Variants in MYOM1 observed in about 807,000 individuals in gnomAD.
MYOM1 encodes the protein myomesin-1.
Under a neutral mutation model 205.3 loss-of-function variants are expected in MYOM1, and 164 were observed. That is an observed-to-expected ratio of 0.80 (90% confidence interval 0.70 to 0.91). MYOM1 has a LOEUF of 0.91. MYOM1 is among the 40% of genes least tolerant of loss of function. The pLI, the probability that MYOM1 is intolerant of heterozygous loss-of-function variation, is 0.00. For missense variants in MYOM1, 2,011 were observed against 2,127.3 expected, an observed-to-expected ratio of 0.95 and a Z score of 1.08; for synonymous variants, 772 against 789.4, an observed-to-expected ratio of 0.98 and a Z score of 0.37.
the MYOM1 span, chr18:3,246,385 A>G: frequency 6.6e-6 from 1 of 152,224 alleles, no homozygotes; most frequent in Non-Finnish European, 1.5e-5. Flanking sequence ...ACCTGCCCTT[A>G]AAGACTCCGA....
the MYOM1 span, among the ~76,000 whole-genome samples, chr18:3,227,109 T>C: frequency 6.6e-6 from 1 of 152,244 alleles, no homozygotes; most frequent in Non-Finnish European, 1.5e-5. Flanking sequence ...TACCTGTTTT[T>C]CTGTCTATTC....
the MYOM1 span, among the ~76,000 whole-genome samples, chr18:3,241,348 C>T: frequency 6.6e-6 from 1 of 152,140 alleles, no homozygotes; most frequent in East Asian, 1.9e-4. Context: ...GACTTGGTGC[C>T]CTGCATCCCA....
rs571491458 is a variant in MYOM1, at chr18:3,179,781, T to C, written c.930-3647A>G. Among the ~76,000 whole-genome samples, 3 of 152,266 alleles carry C rather than the reference T, an allele frequency of 2.0e-5. No individual in the cohort carries two copies. The highest frequency in any genetic ancestry group is 1.3e-4 in the Admixed American group (2 of 15,302). On this transcript the variant is annotated intron_variant, in intron 5 of 37. Transcript: ENST00000356443. The surrounding 1 kb of genome is among the most constrained non-coding windows in gnomAD (Gnocchi z 4.4). ...GGGTAGAACATGTTAATTGGCATGC[T>C]CTTCTTCTATAATTGGTTTAGGTAA...
At chr18:3,156,813 A>G (rs577658705) in intron 10 of MYOM1, among the ~76,000 whole-genome samples, 4 of 151,896 alleles carry the variant, frequency 2.6e-5, no homozygotes, top group Non-Finnish European at 2.9e-5. Context: ...GATTCACCGT[A>G]TTAGCCAGGA....
Position 3,142,061 on chromosome 18 carries a change from C to T in MYOM1, c.1903G>A (p.Gly635Ser). The T allele has an allele frequency of 8.7e-6, 14 of 1,612,822 alleles. No individual in the cohort carries two copies. Among genetic ancestry groups the T allele is most frequent in the Non-Finnish European group, 1.2e-5 (14 of 1,179,298 alleles). The change falls in exon 14 of 38, where the codon GGT (glycine) becomes AGT (serine). Residue 635 changes from glycine to serine, a missense_variant and splice_region_variant. Coordinates refer to ENST00000356443, the MANE Select transcript of MYOM1 (RefSeq NM_003803.4). ...TCTGTCGGGGGGCCAGGCACAATAC[C>T]CTCTGAAAAACAACAAGGAAAAATG... Reference protein sequence around the residue: ...IIVTEEEPSEGIVPGPPTDLS... With the variant: ...IIVTEEEPSESIVPGPPTDLS...
chr18:3,087,186 C>T (rs1484574448), intron 29 of MYOM1, among the ~76,000 whole-genome samples: 1 of 152,174 alleles, frequency 6.6e-6, no homozygotes, highest in African/African-American at 2.4e-5. Flanking sequence ...TAGAAATGCA[C>T]TCCGCAGCTT....
At chr18:3,239,798 G>A in the MYOM1 span, among the ~76,000 whole-genome samples, 631 of 150,512 alleles carry the variant, frequency 4.2e-3, 16 homozygotes, top group African/African-American at 0.015. Flanking sequence ...TTGAGAGAGC[G>A]GAGCATGAAA....
At chr18:3,208,504 C>T (rs149830560) in intron 2 of MYOM1, among the ~76,000 whole-genome samples, 1 of 152,102 alleles carries the variant, frequency 6.6e-6, no homozygotes, top group East Asian at 1.9e-4. Context: ...GCCTGGGCAA[C>T]AGGGCAAGAT....
chr18:3,137,161 G>A (rs1186168593), intron 14 of MYOM1, among the ~76,000 whole-genome samples: 2 of 151,994 alleles, frequency 1.3e-5, no homozygotes. Context: ...GTGTTAGCCA[G>A]GATGGTCTCG....
In MYOM1 at chr18:3,215,145, TCACGGTGCTGCG is replaced by T. The variant is rs1473878482; in HGVS notation, c.67_78del (p.Arg23_Val26del). 1.2e-6 allele frequency: 2 copies of T among 1,613,734 alleles called. No homozygotes were observed. Among genetic ancestry groups the T allele is most frequent in the African/African-American group, 2.7e-5 (2 of 74,936 alleles). ...CGTTTCTTCTCCCGCTGGTAGTGAC[TCACGGTGCTGCG>T]CACGTCCTTGTTGCGGTAGCTGAGA... is the stretch of plus-strand genomic sequence containing the variant. On this transcript the variant is annotated inframe_deletion, in exon 2 of 38. Transcript: ENST00000356443.
chr18:3,212,084 A>C (rs1203974770), intron 2 of MYOM1, among the ~76,000 whole-genome samples: 1 of 152,246 alleles, frequency 6.6e-6, no homozygotes, highest in Non-Finnish European at 1.5e-5. Context: ...GTCTAAAAAA[A>C]GAAAGACTAA....
At chr18:3,224,177 C>A (rs540654429), upstream of MYOM1, among the ~76,000 whole-genome samples, 1 of 152,010 alleles carries the variant, frequency 6.6e-6, no homozygotes, top group African/African-American at 2.4e-5. Flanking sequence ...TACAGGCGCC[C>A]GCCTTGTCAC....
At chr18:3,237,370 G>A in the MYOM1 span, among the ~76,000 whole-genome samples, 1 of 152,116 alleles carries the variant, frequency 6.6e-6, no homozygotes, top group Non-Finnish European at 1.5e-5. Flanking sequence ...GGAGGCTGAG[G>A]CAGGTGGATC....
chr18:3,129,280 G>C lies in MYOM1; in HGVS notation c.2746C>G (p.Pro916Ala), dbSNP rs773682655. ...GGGTCAGACTTACTTTTCCCCTGAG[G>C]AGCCGCTTTCTGTGGTGGCGGGGTA... Reference protein sequence around the residue: ...ELTPPPQKAAPQGKSKSDPLK... With the variant: ...ELTPPPQKAAAQGKSKSDPLK... Residue 916 changes from proline (P) to alanine (A), a missense_variant, in exon 18 of 38, where the codon CCT (proline) becomes GCT (alanine). Physicochemically the swap from Pro to Ala is conservative, Grantham distance 27. Transcript: ENST00000356443. The C allele has an allele frequency of 3.1e-6, 5 of 1,613,856 alleles. No homozygotes were observed. Among genetic ancestry groups the C allele is most frequent in the Non-Finnish European group, 4.2e-6 (5 of 1,179,894 alleles).
Position 3,072,350 on chromosome 18 carries a change from CTTTTTT to C in MYOM1, c.4709-467_4709-462del, listed in dbSNP as rs78331937. 3.7e-3 allele frequency among the ~76,000 whole-genome samples: 207 copies of C among 56,218 alleles called. 1 individual carries two copies. The highest frequency in any genetic ancestry group is 0.014 in the African/African-American group (149 of 10,718). The allele number at this position is 56,218 out of a possible 152,430, so 36.9% of individuals were successfully genotyped here. On this transcript the variant is annotated intron_variant, in intron 36 of 37. Transcript: ENST00000356443. ...AGCAGGCGTGAGCCACCGCACCCGGCTTTTTTTTTTTTTTTTTTTTTGAGGCAGAGT... is the reference window on the plus strand; with the variant it reads ...AGCAGGCGTGAGCCACCGCACCCGGCTTTTTTTTTTTTTTTGAGGCAGAGT...
At chr18:3,088,043 C>A (rs1197003906) in intron 29 of MYOM1, among the ~76,000 whole-genome samples, 2 of 152,152 alleles carry the variant, frequency 1.3e-5, no homozygotes, top group Non-Finnish European at 2.9e-5. Flanking sequence ...GCTGAAAGAA[C>A]GTCATTCCAG....
At chr18:3,096,101 G>T (rs2079299511) in intron 25 of MYOM1, among the ~76,000 whole-genome samples, 1 of 152,142 alleles carries the variant, frequency 6.6e-6, no homozygotes, top group African/African-American at 2.4e-5. Flanking sequence ...GGGGAATGCT[G>T]GCCGCCTTGA....
At chr18:3,106,915 T>C (rs972569043) in intron 22 of MYOM1, among the ~76,000 whole-genome samples, 5 of 152,190 alleles carry the variant, frequency 3.3e-5, no homozygotes, top group Non-Finnish European at 5.9e-5. Flanking sequence ...AGAGTTTCCC[T>C]TATCTGTGAA....
intron 16 of MYOM1, among the ~76,000 whole-genome samples, chr18:3,133,450 A>G (rs536038815): frequency 3.9e-5 from 6 of 152,338 alleles, no homozygotes; most frequent in East Asian, 1.9e-4. Context: ...AAAGCAAGGA[A>G]GAAACCAACC....
Sources: gnomAD v4.1 joint callset for allele counts (sites outside exome capture counted in the v4.1 genomes callset) on GRCh38, gnomAD v4.1.1 for gene constraint, Gnocchi (gnomAD v3.1) non-coding constraint, MANE v1.5 for transcripts, NCBI Gene and HGNC (gene_info 2026-07-23, HGNC 2026-07-21) for gene names.